CD55: variants seen among roughly 807,000 people sequenced by gnomAD.
CD55 encodes the protein complement decay-accelerating factor.
A neutral mutation model predicts 45.8 loss-of-function variants in CD55; 41 were observed. The ratio of observed to expected loss-of-function variants is 0.90; its 90% CI spans 0.70 to 1.16. The LOEUF (loss-of-function observed/expected upper bound fraction) is 1.16, where lower values mean the gene tolerates loss of function less well. Ranked by LOEUF, CD55 falls within the 50% of genes most tolerant of loss-of-function variation. The pLI is 0.00. For synonymous variants in CD55, 181 were observed against 181.1 expected, an observed-to-expected ratio of 1.00 and a Z score of 0.01; for missense variants, 416 against 469.8, an observed-to-expected ratio of 0.89 and a Z score of 1.06.
chr1:207,345,792 A>G (rs6673138), intron 9 of CD55, among the ~76,000 whole-genome samples: 105,951 of 152,162 alleles, frequency 0.7, 37,342 homozygotes, highest in Middle Eastern at 0.83. Context: ...CTTTGGCTTT[A>G]ATTCTGGGTG....
At chr1:207,347,427 T>C (rs1056846607) in intron 9 of CD55, 1 of 350,520 alleles carries the variant, frequency 2.9e-6, no homozygotes, top group South Asian at 2.2e-5. Context: ...ACCCGGCTAA[T>C]TTTTTGTATT....
intron 8 of CD55, among the ~76,000 whole-genome samples, chr1:207,338,822 G>C (rs1188050050): frequency 1.3e-5 from 2 of 152,116 alleles, no homozygotes; most frequent in Non-Finnish European, 2.9e-5. Context: ...TTTTTCTGCT[G>C]AGTAATATTG....
At chr1:207,326,655 G>A in intron 4 of CD55, 97 bp from the exon 5 acceptor site, 2 of 852,568 alleles carry the variant, frequency 2.3e-6, no homozygotes, top group East Asian at 2.5e-5. Context: ...TCACCTAATT[G>A]TGTAGTAAAT....
At chr1:207,339,440 TAAAAG>T in intron 9 of CD55, 23 bp downstream of exon 9, 1 of 1,585,426 alleles carries the variant, frequency 6.3e-7, no homozygotes, top group Non-Finnish European at 8.6e-7. Flanking sequence ...CTCAGGCCAT[TAAAAG>T]AAATTGTTTT....
intron 9 of CD55, among the ~76,000 whole-genome samples, chr1:207,341,528 G>A (rs1255460088): frequency 1.3e-5 from 2 of 152,090 alleles, no homozygotes; most frequent in Admixed American, 1.3e-4. Context: ...TCCAATGTAT[G>A]TTCTTGGCAC....
intron 9 of CD55, among the ~76,000 whole-genome samples, chr1:207,340,981 A>T (rs1655402484): frequency 6.6e-6 from 1 of 152,214 alleles, no homozygotes; most frequent in Admixed American, 6.5e-5. Context: ...AAAAATGGCC[A>T]TTCTAACTGA....
At chr1:207,355,424 G>A (rs753744342) in intron 9 of CD55, among the ~76,000 whole-genome samples, 8 of 152,082 alleles carry the variant, frequency 5.3e-5, no homozygotes. Context: ...GAAAGATTGT[G>A]TAAGCTATAA....
At chr1:207,337,823 T>TC (rs1327357509) in intron 8 of CD55, among the ~76,000 whole-genome samples, 3 of 152,084 alleles carry the variant, frequency 2.0e-5, no homozygotes, top group Non-Finnish European at 4.4e-5. Flanking sequence ...CTTCCCGGAT[T>TC]CCCTAGAGTT....
rs2102443394 is a variant in CD55 at position 207,354,213 on chromosome 1, G to T, written c.1082-5333G>T. 3.1e-6 allele frequency: 4 copies of T among 1,289,848 alleles called. No homozygotes were observed. In the South Asian group the frequency reaches 1.0e-4, roughly 33 times the overall value. 79.9% of individuals were successfully genotyped at this position (1,289,848 alleles called of 1,614,324 possible). A position where few individuals can be genotyped will look rare whatever the true frequency, so the allele number is the denominator to read the frequency against. On this transcript the variant is annotated intron_variant, in intron 9 of 9. Coordinates refer to ENST00000367064, the MANE Select transcript of CD55 (RefSeq NM_000574.5). ...TTTGATGAATATCAGGTATTTTATT[G>T]AAAATATTTCAAACAGTTAAAATTA...
At position 207,324,763 on chromosome 1, in the gene CD55, T is replaced by C; in HGVS notation, c.478+13T>C. 1 of 1,557,962 alleles carries C rather than the reference T, an allele frequency of 6.4e-7. No individual in the cohort carries two copies. The highest frequency in any genetic ancestry group is 8.8e-7 in the Non-Finnish European group (1 of 1,136,186). Reference sequence around the variant, plus strand: ...GAATTTTGTAAAAGTGAGTAAAATTTTTTAAAGTATTTTCAACCATCTGGT... The same window carrying C: ...GAATTTTGTAAAAGTGAGTAAAATTCTTTAAAGTATTTTCAACCATCTGGT... On this transcript the variant is annotated intron_variant, in intron 3 of 9. Coordinates refer to ENST00000367064, the MANE Select transcript of CD55 (RefSeq NM_000574.5).
intron 9 of CD55, among the ~76,000 whole-genome samples, chr1:207,348,972 T>C (rs1210050141): frequency 1.3e-5 from 2 of 152,192 alleles, no homozygotes; most frequent in African/African-American, 4.8e-5. Flanking sequence ...TGTAGCCTTG[T>C]AATATAGTTT....
chr1:207,322,296 C>G, intron 1 of CD55, 86 bp from the exon 2 acceptor site: 3 of 1,069,380 alleles, frequency 2.8e-6, no homozygotes, highest in Non-Finnish European at 4.4e-6. Flanking sequence ...TCAGGTGTGG[C>G]ATTTCAAGGG....
intron 6 of CD55, among the ~76,000 whole-genome samples, chr1:207,332,145 C>G (rs1315237766): frequency 1.3e-5 from 2 of 151,962 alleles, no homozygotes; most frequent in Non-Finnish European, 2.9e-5. Flanking sequence ...TAGTCCTACT[C>G]GGAGAGGTAA....
intron 9 of CD55, among the ~76,000 whole-genome samples, chr1:207,351,540 A>G (rs1655869883): frequency 6.6e-6 from 1 of 152,202 alleles, no homozygotes; most frequent in African/African-American, 2.4e-5. Context: ...TTGGATCTGA[A>G]AAGAGTAATA....
At chr1:207,330,510 A>T (rs573568582) in intron 5 of CD55, among the ~76,000 whole-genome samples, 15 of 152,076 alleles carry the variant, frequency 9.9e-5, no homozygotes, top group Non-Finnish European at 2.1e-4. Context: ...AGTCTCTGTG[A>T]GTCCATATGT....
At chr1:207,325,299 C>T (rs6681853) in intron 3 of CD55, among the ~76,000 whole-genome samples, 103,786 of 148,888 alleles carry the variant, frequency 0.7, 36,582 homozygotes, top group Middle Eastern at 0.83. Context: ...TATGTCACCG[C>T]GCTCCAGCCT....
chr1:207,350,263 A>G (rs1189680280), intron 9 of CD55: 6 of 315,220 alleles, frequency 1.9e-5, no homozygotes, highest in Non-Finnish European at 3.1e-5. Flanking sequence ...TTGATCTGCT[A>G]GTATTTTGTT....
chr1:207,340,602 C>T, intron 9 of CD55: 1 of 684,986 alleles, frequency 1.5e-6, no homozygotes, highest in Non-Finnish European at 2.7e-6. Context: ...AAACTCCTGG[C>T]CGTAAGCGAT....
At chr1:207,347,914 A>G (rs1200688849) in intron 9 of CD55, among the ~76,000 whole-genome samples, 1 of 152,132 alleles carries the variant, frequency 6.6e-6, no homozygotes, top group Non-Finnish European at 1.5e-5. Flanking sequence ...ACATGATTTC[A>G]TTCCTTTCTA....
Sources: allele counts gnomAD v4.1 joint callset (sites outside exome capture counted in the v4.1 genomes callset), GRCh38; gene constraint gnomAD v4.1.1; transcripts MANE v1.5; gene names NCBI Gene and HGNC (gene_info 2026-07-23, HGNC 2026-07-21).